Variants in MYO7A observed in about 807,000 individuals in gnomAD.
The protein encoded by MYO7A is unconventional myosin-VIIa.
A neutral mutation model predicts 263.8 loss-of-function variants in MYO7A; 210 were observed. The observed-to-expected ratio is 0.80, with a 90% CI of 0.71 to 0.89. MYO7A has a LOEUF of 0.89. Ranked by LOEUF, MYO7A falls within the 40% of genes least tolerant of loss-of-function variation. The pLI, the probability that MYO7A is intolerant of heterozygous loss-of-function variation, is 0.00. For missense variants in MYO7A, 2,820 were observed against 2,968.3 expected, an observed-to-expected ratio of 0.95 and a Z score of 1.16; for synonymous variants, 1,239 against 1,197.3, an observed-to-expected ratio of 1.03 and a Z score of -0.72.
chr11:77,203,085 C>A lies in MYO7A; in HGVS notation c.5194C>A (p.Arg1732Ser). The A allele has an allele frequency of 2.6e-6, 4 of 1,548,512 alleles. No individual in the cohort carries two copies. The South Asian group carries it at 4.8e-5, about 18-fold the overall frequency. ...GCCCCCACCCAAGCACACGCTGAGC[C>A]GTGTCATGGTGTCCAAGGCCCGAGG... is the stretch of plus-strand genomic sequence containing the variant. The part of the protein sequence containing the change: ...FRPPPKHTLS[R>S]VMVSKARGKD... Residue 1732 changes from arginine to serine, a missense_variant, in exon 38 of 49, where the codon CGT (arginine) becomes AGT (serine). Physicochemically the swap from Arg to Ser is moderately radical, Grantham distance 110. Transcript: ENST00000409709.
chr11:77,143,843 G>A (rs1280214162), intron 3 of MYO7A, among the ~76,000 whole-genome samples: 3 of 152,254 alleles, frequency 2.0e-5, no homozygotes, highest in South Asian at 2.1e-4. Flanking sequence ...TGGGGACGAC[G>A]GGAGGGCTCA....
In MYO7A at chr11:77,192,089, C is replaced by T. The variant is rs376777290; in HGVS notation, c.3963C>T (p.Asp1321=). 21 of 1,613,690 alleles carry T rather than the reference C, an allele frequency of 1.3e-5. No homozygotes were observed. Among genetic ancestry groups the T allele is most frequent in the African/African-American group, 6.7e-5 (5 of 74,950 alleles). ...GCAGCGGCAGTGACCACGTCATGGA[C>T]GCCATCTCCCAGTGCGAGCAGTACG... The part of the protein sequence containing the change: ...SLGSGSDHVM[D]AISQCEQYAK... Residue 1321 remains aspartate, a synonymous_variant, in exon 31 of 49, where the codon GAC becomes GAT. Transcript: ENST00000409709.
chr11:77,178,252 C>CCGCCCACCTATCCATCCAT (rs1954829646), intron 19 of MYO7A, among the ~76,000 whole-genome samples: 1 of 21,606 alleles, frequency 4.6e-5, no homozygotes, highest in African/African-American at 1.8e-4. Flanking sequence ...CATCCATCCA[C>CCGCCCACCTATCCATCCAT]CCGCCCACAC....
intron 4 of MYO7A, among the ~76,000 whole-genome samples, chr11:77,150,712 C>T (rs1205357070): frequency 6.6e-6 from 1 of 152,158 alleles, no homozygotes. Flanking sequence ...GCTGTGGCAC[C>T]TGGAAGGGCC....
Position 77,184,653 on chromosome 11 carries a change from C to T in MYO7A, c.3441C>T (p.Pro1147=). 6.3e-7 allele frequency: 1 copy of T among 1,590,382 alleles called. No homozygotes were observed. The highest frequency in any genetic ancestry group is 8.6e-7 in the Non-Finnish European group (1 of 1,168,130). The change falls in exon 27 of 49, where the codon CCC becomes CCT. Residue 1147 remains proline (P), a synonymous_variant. Coordinates refer to ENST00000409709, the MANE Select transcript of MYO7A (RefSeq NM_000260.4). ...GCAACAGCATGCTGGAGGACCGGCC[C>T]ACCTCCAACCTGGAGAAGCTGCACT... is the stretch of plus-strand genomic sequence containing the variant. ...VQGNSMLEDR[P]TSNLEKLHFI...
chr11:77,162,478 C>G (rs1555069748), intron 13 of MYO7A, 148 bp downstream of exon 13: 1 of 808,640 alleles, frequency 1.2e-6, no homozygotes, highest in African/African-American at 1.7e-5. Context: ...GTATAGGCAT[C>G]TGCCATTTGG....
chr11:77,175,049 G>T, intron 17 of MYO7A, 135 bp downstream of exon 17: 1 of 1,163,858 alleles, frequency 8.6e-7, no homozygotes, highest in Non-Finnish European at 1.2e-6. Context: ...CGGAAAATTG[G>T]GGTTCAGGTA....
chr11:77,140,387 G>T (rs1434069014), intron 2 of MYO7A, among the ~76,000 whole-genome samples: 1 of 152,236 alleles, frequency 6.6e-6, no homozygotes. Flanking sequence ...CCCTGGATTT[G>T]GGGTTTGTCA....
Position 77,172,859 on chromosome 11 carries a change from A to C in MYO7A, c.1909A>C (p.Lys637Gln), listed in dbSNP as rs1555077292. The change falls in exon 16 of 49, where the codon AAG (lysine) becomes CAG (glutamine). Residue 637 changes from lysine (K) to glutamine (Q), a missense_variant. Physicochemically the swap from Lys to Gln is moderately conservative, Grantham distance 53. Transcript: ENST00000409709. ...ACQPFFVRCI[K>Q]PNEFKKPMLF... The stretch of plus-strand genomic sequence containing the variant: ...CCAGCCCTTCTTTGTGCGATGCATC[A>C]AGCCCAATGAGTTCAAGAAGCCCAT... 6.4e-7 allele frequency: 1 copy of C among 1,552,000 alleles called. No homozygotes were observed. Among genetic ancestry groups the C allele is most frequent in the African/African-American group, 1.4e-5 (1 of 73,202 alleles).
chr11:77,135,021 G>A (rs1471264036), intron 2 of MYO7A, among the ~76,000 whole-genome samples: 1 of 152,054 alleles, frequency 6.6e-6, no homozygotes, highest in Admixed American at 6.5e-5. Flanking sequence ...CTGACCTCAG[G>A]TGATCTGCCC....
intron 19 of MYO7A, 76 bp from the exon 20 acceptor site, chr11:77,178,969 C>A: frequency 8.5e-7 from 1 of 1,176,354 alleles, no homozygotes; most frequent in Non-Finnish European, 1.2e-6. Flanking sequence ...ACTCAGCGTG[C>A]CCTCCTGATC....
intron 15 of MYO7A, among the ~76,000 whole-genome samples, chr11:77,166,780 C>T (rs1034099821): frequency 2.8e-4 from 42 of 152,314 alleles, no homozygotes; most frequent in African/African-American, 1.0e-3. Context: ...TGTCCCCTGC[C>T]CTCAGGACCA....
rs1951428732 is a variant in MYO7A at position 77,144,446 on chromosome 11, T to A, written c.132+1624T>A. 3.9e-5 allele frequency among the ~76,000 whole-genome samples: 6 copies of A among 152,094 alleles called. No individual in the cohort carries two copies. The South Asian group carries it at 1.2e-3, about 32-fold the overall frequency. ...GCGTCACCGAATCCCAAAGGTCCCC[T>A]CCCGCTTCTCCTCCACCCAGGCCCT... On this transcript the variant is annotated intron_variant, in intron 3 of 48. Transcript: ENST00000409709.
At chr11:77,205,421 A>G (rs1957379911) in intron 39 of MYO7A, 41 bp from the exon 40 acceptor site, 1 of 1,542,750 alleles carries the variant, frequency 6.5e-7, no homozygotes, top group African/African-American at 1.4e-5. Context: ...GTGACTCCCG[A>G]TGGCAGCTGC....
chr11:77,192,469 C>T (rs747284505), intron 31 of MYO7A, among the ~76,000 whole-genome samples, 191 bp downstream of exon 31: 3 of 152,082 alleles, frequency 2.0e-5, no homozygotes, highest in South Asian at 4.1e-4. Context: ...GGCGAGATGG[C>T]GGGAGCAAGG....
At position 77,208,641 on chromosome 11, in the gene MYO7A, C is replaced by T. The variant is rs146789068; in HGVS notation, c.5945-56C>T. 390 of 1,504,662 alleles carry T rather than the reference C, an allele frequency of 2.6e-4. 2 individuals carry two copies. In the African/African-American group the frequency reaches 4.4e-3, roughly 17 times the overall value. 93.2% of individuals were successfully genotyped at this position (1,504,662 alleles called of 1,614,324 possible). On this transcript the variant is annotated intron_variant, in intron 43 of 48. Coordinates refer to ENST00000409709, the MANE Select transcript of MYO7A (RefSeq NM_000260.4). ...GCCTCCTCTGGGTCTGGGCTCGGGA[C>T]GTGAGCACTCCTCTGTGCAGGGACC...
chr11:77,163,663 G>A (rs1208805946), intron 14 of MYO7A, among the ~76,000 whole-genome samples: 1 of 152,212 alleles, frequency 6.6e-6, no homozygotes, highest in Non-Finnish European at 1.5e-5. Flanking sequence ...ATTCTGTGGT[G>A]AAGACGTGAC....
rs1475721144 is a variant in MYO7A at position 77,138,046 on chromosome 11, C to T, written c.19-4663C>T. Among the ~76,000 whole-genome samples, 1 of 152,158 alleles carries T rather than the reference C, an allele frequency of 6.6e-6. No homozygotes were observed. The highest frequency in any genetic ancestry group is 2.4e-5 in the African/African-American group (1 of 41,430). Reference sequence around the variant, plus strand: ...CCGTCAGGTGCGGTGCCAGGTGCCACGTTTATCCCGGGCCTACCGCCGCGG... The same window carrying T: ...CCGTCAGGTGCGGTGCCAGGTGCCATGTTTATCCCGGGCCTACCGCCGCGG... On this transcript the variant is annotated intron_variant, in intron 2 of 48. Coordinates refer to ENST00000409709, the MANE Select transcript of MYO7A (RefSeq NM_000260.4). This position sits in a 1 kb window ranked among gnomAD's most constrained non-coding sequence, Gnocchi z 4.9.
chr11:77,136,211 C>T (rs1555047308), intron 2 of MYO7A, among the ~76,000 whole-genome samples: 1 of 152,170 alleles, frequency 6.6e-6, no homozygotes. Context: ...TTTAAATATG[C>T]CATCCTACTG....
Sources: gnomAD v4.1 joint callset for allele counts (sites outside exome capture counted in the v4.1 genomes callset) on GRCh38, gnomAD v4.1.1 for gene constraint, Gnocchi (gnomAD v3.1) non-coding constraint, MANE v1.5 for transcripts, NCBI Gene and HGNC (gene_info 2026-07-23, HGNC 2026-07-21) for gene names.